LTBP1: variants seen among roughly 807,000 people sequenced by gnomAD.
The protein encoded by LTBP1 is latent-transforming growth factor beta-binding protein 1.
LTBP1 carries 129 observed loss-of-function variants against 207.6 expected under a neutral mutation model. That is an observed-to-expected ratio of 0.62 (90% CI 0.54 to 0.72). LTBP1 has a LOEUF of 0.72. LTBP1 is among the 30% of genes least tolerant of loss of function. The probability of loss-of-function intolerance (pLI) is 0.00; values close to 1 mark genes in which losing one functional copy is unlikely to be tolerated. For synonymous variants in LTBP1, 963 were observed against 833.7 expected, an observed-to-expected ratio of 1.16 and a Z score of -2.67; for missense variants, 2,281 against 2,217.2, an observed-to-expected ratio of 1.03 and a Z score of -0.58.
rs1166997182 is a variant in LTBP1, at chr2:33,275,955, A to G, written c.2992+32A>G. The G allele has an allele frequency of 2.6e-6, 4 of 1,542,540 alleles. No homozygotes were observed. In the East Asian group the frequency reaches 6.9e-5, roughly 27 times the overall value. On this transcript the variant is annotated intron_variant, in intron 18 of 33. Coordinates refer to ENST00000404816, the MANE Select transcript of LTBP1 (RefSeq NM_206943.4). ...CAGCTGAGAGTGTTCAGCACACATG[A>G]CGGTGATGTGCAGGGTTGGTAGGCA...
Position 32,985,612 on chromosome 2 carries a change from C to G in LTBP1, c.566-35297C>G, listed in dbSNP as rs561237064. 5.3e-5 allele frequency among the ~76,000 whole-genome samples: 8 copies of G among 152,320 alleles called. No homozygotes were observed. The South Asian group carries it at 1.7e-3, about 32-fold the overall frequency. The stretch of plus-strand genomic sequence containing the variant: ...CTACAGATGAATCAAATGCAGTCAT[C>G]TGTGTTTACAAACTCACCTAATTGA... On this transcript the variant is annotated intron_variant, in intron 2 of 33. Coordinates refer to ENST00000404816, the MANE Select transcript of LTBP1 (RefSeq NM_206943.4).
intron 3 of LTBP1, among the ~76,000 whole-genome samples, chr2:33,102,051 C>T (rs2079770276): frequency 6.6e-6 from 1 of 152,094 alleles, no homozygotes; most frequent in Non-Finnish European, 1.5e-5. Context: ...CCTCTCTGGC[C>T]TAATGGGGCA....
intron 2 of LTBP1, 108 bp from the exon 3 acceptor site, chr2:33,020,800 GT>G: frequency 1.8e-6 from 2 of 1,124,590 alleles, no homozygotes; most frequent in Non-Finnish European, 2.5e-6. Context: ...TATTTGTGTG[GT>G]TTTTTATTGG....
intron 6 of LTBP1, 130 bp from the exon 7 acceptor site, chr2:33,188,447 A>AAAATAAT: frequency 6.0e-6 from 4 of 668,168 alleles, no homozygotes; most frequent in Non-Finnish European, 9.8e-6. Context: ...AAAAAAAAGA[A>AAAATAAT]TTTTGATGGC....
rs142611745 is a variant in LTBP1, at chr2:33,253,794, G to C, written c.2167+950G>C. 2.6e-5 allele frequency among the ~76,000 whole-genome samples: 4 copies of C among 151,474 alleles called. No homozygotes were observed. The East Asian group carries it at 5.8e-4, about 22-fold the overall frequency. ...TTAAGGCAAAGGATAATACAACATT[G>C]ATGGTATGTTGGTAGACTAGATAAT... On this transcript the variant is annotated intron_variant, in intron 11 of 33. Coordinates refer to ENST00000404816, the MANE Select transcript of LTBP1 (RefSeq NM_206943.4).
chr2:33,289,740 CATT>C (rs545374814), intron 19 of LTBP1, among the ~76,000 whole-genome samples: 60 of 152,234 alleles, frequency 3.9e-4, no homozygotes, highest in African/African-American at 1.4e-3. Context: ...CTGTTGAACT[CATT>C]ATGTATATGC....
chr2:33,218,407 T>C (rs2090871238), intron 8 of LTBP1, among the ~76,000 whole-genome samples: 1 of 152,238 alleles, frequency 6.6e-6, no homozygotes. Flanking sequence ...TACTTTTTTT[T>C]CTTTTTGAGA....
intron 7 of LTBP1, among the ~76,000 whole-genome samples, chr2:33,216,835 C>T (rs1244662424): frequency 6.6e-6 from 1 of 152,194 alleles, no homozygotes; most frequent in Admixed American, 6.5e-5. Context: ...TTTCTCACTT[C>T]CTGTGGTTGA....
At chr2:32,978,939 A>G (rs576292638) in intron 2 of LTBP1, among the ~76,000 whole-genome samples, 3 of 151,890 alleles carry the variant, frequency 2.0e-5, no homozygotes, top group South Asian at 2.1e-4. Flanking sequence ...GGTAGGTTGT[A>G]TGTGTCTGGG....
At chr2:33,208,520 C>T (rs2090045916) in intron 7 of LTBP1, among the ~76,000 whole-genome samples, 1 of 152,064 alleles carries the variant, frequency 6.6e-6, no homozygotes, top group Non-Finnish European at 1.5e-5. Flanking sequence ...TATGGTTATC[C>T]TTGATTAGGT....
chr2:33,244,966 C>T lies in LTBP1; in HGVS notation c.1999+1182C>T, dbSNP rs142940424. Reference sequence around the variant, plus strand: ...CGATCTCCACTCATTGCAACCTCTGCCTCCCGGGTTCCAATGATTCTCCTA... The same window carrying T: ...CGATCTCCACTCATTGCAACCTCTGTCTCCCGGGTTCCAATGATTCTCCTA... On this transcript the variant is annotated intron_variant, in intron 10 of 33. Coordinates refer to ENST00000404816, the MANE Select transcript of LTBP1 (RefSeq NM_206943.4). Among the ~76,000 whole-genome samples the T allele has an allele frequency of 8.5e-4, 130 of 152,250 alleles. No homozygotes were observed. The East Asian group carries it at 0.024, about 28-fold the overall frequency.
At chr2:33,181,011 A>G (rs1269458069) in intron 5 of LTBP1, among the ~76,000 whole-genome samples, 1 of 152,130 alleles carries the variant, frequency 6.6e-6, no homozygotes, top group East Asian at 1.9e-4. Context: ...TGTTCTGCAA[A>G]AGGACAGATA....
At chr2:33,200,958 A>G (rs1434400856) in intron 7 of LTBP1, among the ~76,000 whole-genome samples, 1 of 152,250 alleles carries the variant, frequency 6.6e-6, no homozygotes, top group Non-Finnish European at 1.5e-5. Context: ...AATGGCAATC[A>G]TTAAAAAGTC....
intron 7 of LTBP1, among the ~76,000 whole-genome samples, chr2:33,215,626 C>T (rs59884910): frequency 6.6e-6 from 1 of 151,982 alleles, no homozygotes; most frequent in East Asian, 1.9e-4. Flanking sequence ...TGCTGTCCTT[C>T]TGAGGGCCAC....
intron 31 of LTBP1, among the ~76,000 whole-genome samples, chr2:33,367,487 A>T (rs560278932): frequency 5.4e-4 from 82 of 152,146 alleles, no homozygotes; most frequent in African/African-American, 1.8e-3. Context: ...TAATTTTTCA[A>T]CCCTTACCCC....
chr2:33,067,652 G>GT (rs2077584245), intron 3 of LTBP1, among the ~76,000 whole-genome samples: 1 of 152,120 alleles, frequency 6.6e-6, no homozygotes, highest in African/African-American at 2.4e-5. Flanking sequence ...CATTTACATT[G>GT]TATTAGGTAT....
chr2:33,060,829 A>C (rs1373188814), intron 3 of LTBP1, among the ~76,000 whole-genome samples: 2 of 152,192 alleles, frequency 1.3e-5, no homozygotes, highest in East Asian at 1.9e-4. Context: ...GTTTTTAAAA[A>C]ACTCATGTTA....
intron 5 of LTBP1, among the ~76,000 whole-genome samples, chr2:33,176,896 G>A (rs746466499): frequency 6.6e-6 from 1 of 152,116 alleles, no homozygotes; most frequent in African/African-American, 2.4e-5. Context: ...TCATAATTAC[G>A]AAGTTGATGA....
chr2:33,071,352 G>A (rs149290377), intron 3 of LTBP1, among the ~76,000 whole-genome samples: 9 of 152,300 alleles, frequency 5.9e-5, no homozygotes, highest in East Asian at 1.9e-4. Flanking sequence ...TTTTGTAAAC[G>A]CAATCTCAGA....
Sources: allele counts gnomAD v4.1 joint callset (sites outside exome capture counted in the v4.1 genomes callset), GRCh38; gene constraint gnomAD v4.1.1; transcripts MANE v1.5; gene names NCBI Gene and HGNC (gene_info 2026-07-23, HGNC 2026-07-21).